Variants in CAMK1D observed in about 807,000 individuals in gnomAD.
The protein encoded by CAMK1D is calcium/calmodulin-dependent protein kinase type 1D.
A neutral mutation model predicts 47.7 loss-of-function variants in CAMK1D; 9 were observed. The ratio of observed to expected loss-of-function variants is 0.19; its 90% CI spans 0.11 to 0.33. The LOEUF is 0.33. CAMK1D is among the 10% of genes least tolerant of loss of function. The pLI is 1.00. For missense variants in CAMK1D, 291 were observed against 488.7 expected (o/e 0.60, Z 3.81); for synonymous variants, 184 against 184.9 (o/e 0.99, Z 0.04).
At chr10:12,454,056 G>C (rs11257804) in intron 1 of CAMK1D, among the ~76,000 whole-genome samples, 1 of 151,928 alleles carries the variant, frequency 6.6e-6, no homozygotes, top group African/African-American at 2.4e-5. Context: ...GGTGTTTATC[G>C]GTCCAGTTTT....
chr10:12,639,197 C>T (rs1839598194), intron 2 of CAMK1D, among the ~76,000 whole-genome samples: 1 of 152,216 alleles, frequency 6.6e-6, no homozygotes, highest in Admixed American at 6.5e-5. Context: ...TTAAAAAGAC[C>T]TAATCAGGCC....
chr10:12,492,362 A>G (rs954874059), intron 1 of CAMK1D, among the ~76,000 whole-genome samples: 15 of 151,720 alleles, frequency 9.9e-5, no homozygotes, highest in Non-Finnish European at 1.8e-4. Context: ...AAAAAAAAAA[A>G]AAAGAAAAGA....
At chr10:12,540,638 T>G (rs1043393147) in intron 1 of CAMK1D, among the ~76,000 whole-genome samples, 1 of 152,220 alleles carries the variant, frequency 6.6e-6, no homozygotes, top group Non-Finnish European at 1.5e-5. Flanking sequence ...GTTTCAGACA[T>G]AGGATTGTAC....
chr10:12,782,568 G>T lies in CAMK1D; in HGVS notation c.566-8590G>T, dbSNP rs909565322. ...AATCTTCTCGTGTCTTCTCTGATAC[G>T]CAGTGTCGCAAACTGTTAGAAACTT... is the stretch of plus-strand genomic sequence containing the variant. On this transcript the variant is annotated intron_variant, in intron 5 of 10. Transcript: ENST00000619168. Among the ~76,000 whole-genome samples the T allele has an allele frequency of 2.0e-5, 3 of 152,146 alleles. 1 individual carries two copies. Among genetic ancestry groups the T allele is most frequent in the South Asian group, 4.2e-4 (2 of 4,804 alleles).
At chr10:12,804,937 C>CA (rs145584740) in intron 6 of CAMK1D, among the ~76,000 whole-genome samples, 31,872 of 51,162 alleles carry the variant, frequency 0.62, 10,522 homozygotes, top group South Asian at 0.77. Flanking sequence ...GACCCTGTCT[C>CA]AAAAAAAAAA....
chr10:12,578,812 C>A (rs1345041659), intron 2 of CAMK1D: 1 of 154,094 alleles, frequency 6.5e-6, no homozygotes, highest in African/African-American at 2.4e-5. Context: ...GTGGAAGTTA[C>A]TTTACCTCTG....
At chr10:12,632,809 G>A (rs7896675) in intron 2 of CAMK1D, among the ~76,000 whole-genome samples, 1 of 151,916 alleles carries the variant, frequency 6.6e-6, no homozygotes, top group African/African-American at 2.4e-5. Context: ...ATTCTCTTGC[G>A]TCAGCCTCCC....
intron 2 of CAMK1D, among the ~76,000 whole-genome samples, chr10:12,577,582 A>AT (rs937869077): frequency 9.9e-5 from 15 of 151,742 alleles, no homozygotes; most frequent in South Asian, 4.2e-4. Context: ...CAAATAGGAG[A>AT]TTTTTTTTTG....
rs1836068548 is a variant in CAMK1D at position 12,538,873 on chromosome 10, G to A, written c.93-14352G>A. ...GGAACTCATGTCCATATTGCAGGTG[G>A]CAAAACTGAGGCAAAAAAAAAAAAA... On this transcript the variant is annotated intron_variant, in intron 1 of 10. Transcript: ENST00000619168. 2.1e-5 allele frequency among the ~76,000 whole-genome samples: 3 copies of A among 140,022 alleles called. No individual in the cohort carries two copies. The South Asian group carries it at 6.8e-4, about 32-fold the overall frequency. 91.9% of individuals were successfully genotyped at this position (140,022 alleles called of 152,430 possible). A position where few individuals can be genotyped will look rare whatever the true frequency, so the allele number is the denominator to read the frequency against.
intron 1 of CAMK1D, among the ~76,000 whole-genome samples, chr10:12,391,403 A>G (rs1044063229): frequency 3.9e-5 from 6 of 152,198 alleles, no homozygotes; most frequent in African/African-American, 1.4e-4. Context: ...CTTATCTTCT[A>G]TTCAGGGTTT....
chr10:12,730,041 C>G lies in CAMK1D; in HGVS notation c.300-30907C>G, dbSNP rs76967726. On this transcript the variant is annotated intron_variant, in intron 3 of 10. Transcript: ENST00000619168. ...CAGAGGCGAATTGTGATCCCACTTGCGTTTGAACAGAACCACTCTGGCTGC... is the reference window on the plus strand; with the variant it reads ...CAGAGGCGAATTGTGATCCCACTTGGGTTTGAACAGAACCACTCTGGCTGC... 6.0e-4 allele frequency among the ~76,000 whole-genome samples: 92 copies of G among 152,224 alleles called. 3 individuals carry two copies. The South Asian group carries it at 0.019, about 31-fold the overall frequency.
chr10:12,766,890 AGG>A (rs1836788910), intron 4 of CAMK1D, among the ~76,000 whole-genome samples: 2 of 152,162 alleles, frequency 1.3e-5, no homozygotes, highest in Non-Finnish European at 2.9e-5. Flanking sequence ...CTAGGAGAGC[AGG>A]GGAGTCAGAG....
chr10:12,604,875 A>C (rs1838403565), intron 2 of CAMK1D, among the ~76,000 whole-genome samples: 1 of 151,194 alleles, frequency 6.6e-6, no homozygotes, highest in Non-Finnish European at 1.5e-5. Flanking sequence ...ATGCAGATCC[A>C]ATGCAATCCT....
At chr10:12,443,317 G>T (rs898155656) in intron 1 of CAMK1D, among the ~76,000 whole-genome samples, 1 of 152,178 alleles carries the variant, frequency 6.6e-6, no homozygotes, top group Non-Finnish European at 1.5e-5. Context: ...GCTAACCTAT[G>T]TTGCCTCCAT....
At chr10:12,727,271 GT>G (rs529615389) in intron 3 of CAMK1D, among the ~76,000 whole-genome samples, 35 of 152,312 alleles carry the variant, frequency 2.3e-4, no homozygotes, top group African/African-American at 8.4e-4. Flanking sequence ...TGTTAAGAAG[GT>G]TATGACTCAG....
intron 2 of CAMK1D, among the ~76,000 whole-genome samples, chr10:12,660,899 AAG>A (rs1840256178): frequency 6.6e-6 from 1 of 152,220 alleles, no homozygotes. Flanking sequence ...ATACTTTGGA[AAG>A]AGTGTTGACC....
At chr10:12,680,564 C>A (rs1278358868) in intron 3 of CAMK1D, among the ~76,000 whole-genome samples, 1 of 152,126 alleles carries the variant, frequency 6.6e-6, no homozygotes, top group East Asian at 1.9e-4. Context: ...AAAACCGGAT[C>A]TCATCTCTTT....
chr10:12,468,285 C>T (rs2768406), intron 1 of CAMK1D, among the ~76,000 whole-genome samples: 89,691 of 152,088 alleles, frequency 0.59, 27,255 homozygotes, highest in Non-Finnish European at 0.68. Context: ...TCATCTCAAA[C>T]GCCTGGGCTC....
chr10:12,813,122 T>G (rs1832670642), intron 6 of CAMK1D, among the ~76,000 whole-genome samples: 1 of 152,246 alleles, frequency 6.6e-6, no homozygotes, highest in Admixed American at 6.5e-5. Context: ...ATAAGTCACT[T>G]GCACCAGCAT....
Sources: allele counts gnomAD v4.1 joint callset (sites outside exome capture counted in the v4.1 genomes callset), GRCh38; gene constraint gnomAD v4.1.1; transcripts MANE v1.5; gene names NCBI Gene and HGNC (gene_info 2026-07-23, HGNC 2026-07-21).